CSPP1: variants seen among roughly 807,000 people sequenced by gnomAD.
CSPP1 encodes the protein centrosome and spindle pole associated protein 1.
In CSPP1, 126 loss-of-function variants were observed where a neutral mutation model predicts 164.4. The observed-to-expected ratio is 0.77, with a 90% CI of 0.66 to 0.89. The LOEUF is 0.89. Ranked by LOEUF, CSPP1 falls within the 40% of genes least tolerant of loss-of-function variation. CSPP1 has a pLI of 0.00. For missense variants in CSPP1, 1,395 were observed against 1,449.8 expected (o/e 0.96, Z 0.61); for synonymous variants, 472 against 476.7 (o/e 0.99, Z 0.13).
intron 3 of CSPP1, among the ~76,000 whole-genome samples, chr8:67,076,943 C>T (rs570264544): frequency 2.0e-5 from 3 of 152,162 alleles, no homozygotes; most frequent in South Asian, 4.1e-4. Flanking sequence ...AAGAAATATG[C>T]TTAAAGGGTA....
intron 28 of CSPP1, among the ~76,000 whole-genome samples, chr8:67,180,979 T>C (rs185836141): frequency 1.3e-5 from 2 of 152,262 alleles, no homozygotes; most frequent in East Asian, 3.9e-4. Flanking sequence ...CCAATTACTT[T>C]AGATTTTCAT....
chr8:67,189,600 G>A (rs143424101), intron 28 of CSPP1, among the ~76,000 whole-genome samples: 147 of 152,118 alleles, frequency 9.7e-4, no homozygotes, highest in African/African-American at 3.5e-3. Flanking sequence ...AACAATGATA[G>A]TGTTGTATAA....
At chr8:67,089,939 C>T (rs1811284310) in intron 4 of CSPP1, among the ~76,000 whole-genome samples, 1 of 151,604 alleles carries the variant, frequency 6.6e-6, no homozygotes, top group Non-Finnish European at 1.5e-5. Flanking sequence ...CAGACATGAG[C>T]CACCACTCCC....
chr8:67,167,213 G>C (rs1443445212), intron 24 of CSPP1, among the ~76,000 whole-genome samples: 2 of 152,214 alleles, frequency 1.3e-5, no homozygotes, highest in African/African-American at 4.8e-5. Context: ...TCATCATCAT[G>C]GCCCGTTCTC....
At position 67,193,597 on chromosome 8, in the gene CSPP1, A is replaced by G. The variant is rs1228985350; in HGVS notation, c.3464A>G (p.Asn1155Ser). ...RLNEFHNKPI[N>S]TDDESSLVDP... is the part of the protein sequence containing the mutation. ...AATGAATTTCACAATAAACCTATTA[A>G]TACAGGTAAATGACCAAGTGTAATG... The change falls in exon 30 of 31, where the codon AAT (asparagine) becomes AGT (serine). Residue 1155 changes from asparagine (N) to serine (S), a missense_variant. Physicochemically the swap from Asn to Ser is conservative, Grantham distance 46. Coordinates refer to ENST00000678616, the MANE Select transcript of CSPP1 (RefSeq NM_001382391.1). The G allele has an allele frequency of 7.4e-6, 12 of 1,612,974 alleles. No homozygotes were observed. The highest frequency in any genetic ancestry group is 1.1e-5 in the South Asian group (1 of 91,002).
At chr8:67,133,305 G>C (rs550753605) in intron 16 of CSPP1, among the ~76,000 whole-genome samples, 1 of 152,304 alleles carries the variant, frequency 6.6e-6, no homozygotes, top group Admixed American at 6.5e-5. Context: ...ACTTAGTGAT[G>C]ATAAGAATGC....
rs1395320941 is a variant in CSPP1 at position 67,118,244 on chromosome 8, A to G, written c.1497-4A>G. 6.2e-7 allele frequency: 1 copy of G among 1,612,282 alleles called. No individual in the cohort carries two copies. ...AGGAATTTTTCATCTTTCTTTTCAT[A>G]CAGGATTGCACCTCTGCCTCCACCT... On this transcript the variant is annotated splice_region_variant and splice_polypyrimidine_tract_variant and intron_variant, in intron 13 of 30. Transcript: ENST00000678616.
chr8:67,134,810 G>C (rs971428176), intron 16 of CSPP1: 2 of 152,172 alleles, frequency 1.3e-5, no homozygotes, highest in Non-Finnish European at 2.9e-5. Context: ...TGATCCACCT[G>C]CCTCGGCCTC....
intron 9 of CSPP1, among the ~76,000 whole-genome samples, chr8:67,107,229 G>A (rs77467522): frequency 6.6e-6 from 1 of 151,984 alleles, no homozygotes; most frequent in Non-Finnish European, 1.5e-5. Flanking sequence ...TGTATTTTTA[G>A]TTGAGACGGG....
At chr8:67,092,445 TC>T (rs1811809800) in intron 5 of CSPP1, among the ~76,000 whole-genome samples, 1 of 152,142 alleles carries the variant, frequency 6.6e-6, no homozygotes, top group Non-Finnish European at 1.5e-5. Context: ...AGACCTAGTT[TC>T]TTTTTTTTTG....
intron 8 of CSPP1, 112 bp from the exon 9 acceptor site, chr8:67,105,793 C>T (rs963646310): frequency 1.5e-5 from 10 of 664,344 alleles, no homozygotes; most frequent in East Asian, 2.7e-5. Flanking sequence ...TTTTAATGTC[C>T]ATAGTACTTT....
chr8:67,161,583 T>A (rs531985132), intron 21 of CSPP1, among the ~76,000 whole-genome samples: 1 of 152,336 alleles, frequency 6.6e-6, no homozygotes, highest in East Asian at 1.9e-4. Flanking sequence ...CTGACAGTCA[T>A]ACTGTTTTAA....
chr8:67,140,586 A>G (rs1823304954), intron 17 of CSPP1, among the ~76,000 whole-genome samples: 1 of 152,246 alleles, frequency 6.6e-6, no homozygotes, highest in South Asian at 2.1e-4. Flanking sequence ...TTAGAAAAAC[A>G]CTAGTTTTCC....
At position 67,175,428 on chromosome 8, in the gene CSPP1, G is replaced by T. The variant is rs746830683; in HGVS notation, c.3101G>T (p.Gly1034Val). The change falls in exon 26 of 31, where the codon GGT (glycine) becomes GTT (valine). Residue 1034 changes from glycine to valine, a missense_variant. Coordinates refer to ENST00000678616, the MANE Select transcript of CSPP1 (RefSeq NM_001382391.1). ...KRLNRIKMQE[G>V]AKVDLDAIPS... ...CTGAACAGAATAAAAATGCAGGAAG[G>T]TGCCAAAGGTAAGAAATAATCATTG... 6.8e-6 allele frequency: 11 copies of T among 1,614,138 alleles called. No individual in the cohort carries two copies. In the South Asian group the frequency reaches 1.2e-4, roughly 18 times the overall value.
chr8:67,190,664 ACAT>A lies in CSPP1; in HGVS notation c.3236_3238del (p.Thr1079_Tyr1080delinsAsn). 1 of 1,613,970 alleles carries A rather than the reference ACAT, an allele frequency of 6.2e-7. No individual in the cohort carries two copies. The highest frequency in any genetic ancestry group is 8.5e-7 in the Non-Finnish European group (1 of 1,179,860). ...GGTCCTCTTAGGGGCTTACGGTGAGACATATCCTGCCATTGAAGATGACGTCCT... is the reference window on the plus strand; with the variant it reads ...GGTCCTCTTAGGGGCTTACGGTGAGAATCCTGCCATTGAAGATGACGTCCT... On this transcript the variant is annotated inframe_deletion, in exon 29 of 31. Transcript: ENST00000678616.
rs199739810 is a variant in CSPP1 at position 67,166,727 on chromosome 8, G to GT, written c.2828+2234dup. On this transcript the variant is annotated intron_variant, in intron 24 of 30. Coordinates refer to ENST00000678616, the MANE Select transcript of CSPP1 (RefSeq NM_001382391.1). ...CATGCATATTTAATTCAGTTTAACG[G>GT]TTTTTTTTTTTTTTTAATTGATCAT... 2.6e-3 allele frequency among the ~76,000 whole-genome samples: 370 copies of GT among 142,240 alleles called. 1 individual carries two copies. The highest frequency in any genetic ancestry group is 3.7e-3 in the Middle Eastern group (1 of 272). 93.3% of individuals were successfully genotyped at this position (142,240 alleles called of 152,430 possible). A position where few individuals can be genotyped will look rare whatever the true frequency, so the allele number is the denominator to read the frequency against.
chr8:67,170,606 G>C (rs1343591439), intron 24 of CSPP1, among the ~76,000 whole-genome samples: 1 of 152,092 alleles, frequency 6.6e-6, no homozygotes, highest in Non-Finnish European at 1.5e-5. Context: ...CAAAGACTGT[G>C]ATCTTCATAC....
chr8:67,065,478 G>A (rs1006825942), intron 1 of CSPP1: 12 of 947,746 alleles, frequency 1.3e-5, no homozygotes, highest in African/African-American at 1.8e-5. Context: ...CCTAAATTAG[G>A]CTTTATTCTG....
At chr8:67,091,160 G>T (rs1811528481) in intron 4 of CSPP1, among the ~76,000 whole-genome samples, 2 of 152,180 alleles carry the variant, frequency 1.3e-5, no homozygotes, top group South Asian at 4.1e-4. Context: ...TGCAGAAGAA[G>T]AAAGTGTCTG....
Sources: gnomAD v4.1 joint callset for allele counts (sites outside exome capture counted in the v4.1 genomes callset) on GRCh38, gnomAD v4.1.1 for gene constraint, MANE v1.5 for transcripts, NCBI Gene and HGNC (gene_info 2026-07-23, HGNC 2026-07-21) for gene names.